CNTLN: variants seen among roughly 807,000 people sequenced by gnomAD.
CNTLN encodes the protein centlein, centrosomal protein.
A neutral mutation model predicts 180.0 loss-of-function variants in CNTLN; 212 were observed. That is an observed-to-expected ratio of 1.18 (90% CI 1.05 to 1.32). The LOEUF (loss-of-function observed/expected upper bound fraction) is 1.32. Ranked by LOEUF, CNTLN falls within the 40% of genes most tolerant of loss-of-function variation. CNTLN has a pLI of 0.00. For missense variants in CNTLN, 2,095 were observed against 1,610.9 expected, an observed-to-expected ratio of 1.30 and a Z score of -5.14; for synonymous variants, 722 against 563.1, an observed-to-expected ratio of 1.28 and a Z score of -3.99.
chr9:17,151,420 A>G (rs2779770), intron 2 of CNTLN, among the ~76,000 whole-genome samples: 6,504 of 152,148 alleles, frequency 0.043, 457 homozygotes, highest in African/African-American at 0.15. Context: ...GGTTTTTGTC[A>G]TTGGTTCTGT....
chr9:17,385,859 G>C (rs1021772749), intron 13 of CNTLN, among the ~76,000 whole-genome samples: 1 of 151,780 alleles, frequency 6.6e-6, no homozygotes, highest in African/African-American at 2.4e-5. Flanking sequence ...AGCATGGTTG[G>C]ATTTAGGTAT....
chr9:17,517,080 C>G, the CNTLN span, among the ~76,000 whole-genome samples: 2 of 152,066 alleles, frequency 1.3e-5, no homozygotes, highest in Non-Finnish European at 2.9e-5. Flanking sequence ...AGTCCTAGCT[C>G]TCCTGTATCT....
intron 13 of CNTLN, among the ~76,000 whole-genome samples, chr9:17,378,887 C>G (rs1824997047): frequency 6.6e-6 from 1 of 152,128 alleles, no homozygotes. Flanking sequence ...ATCCATATTT[C>G]CATCTGGTGT....
At chr9:17,202,750 C>G (rs1822637694) in intron 2 of CNTLN, among the ~76,000 whole-genome samples, 1 of 144,266 alleles carries the variant, frequency 6.9e-6, no homozygotes, top group Non-Finnish European at 1.5e-5. Flanking sequence ...TGTGATGGGT[C>G]TCCTGAGTGC....
intron 2 of CNTLN, among the ~76,000 whole-genome samples, chr9:17,162,403 C>T (rs7029226): frequency 0.019 from 2,887 of 152,246 alleles, 56 homozygotes; most frequent in African/African-American, 0.05. Context: ...CGTGAGCCAC[C>T]GCACCCAGCC....
At chr9:17,430,918 G>A (rs1003533151) in intron 18 of CNTLN, among the ~76,000 whole-genome samples, 1 of 152,048 alleles carries the variant, frequency 6.6e-6, no homozygotes, top group Non-Finnish European at 1.5e-5. Context: ...ATTCTATTGT[G>A]TATATATATC....
At chr9:17,495,303 A>G (rs1315850464) in intron 25 of CNTLN, among the ~76,000 whole-genome samples, 1 of 152,012 alleles carries the variant, frequency 6.6e-6, no homozygotes, top group Non-Finnish European at 1.5e-5. Flanking sequence ...AGGCATTGTT[A>G]ACATAGGAGG....
intron 12 of CNTLN, among the ~76,000 whole-genome samples, chr9:17,354,820 T>A (rs960378739): frequency 6.6e-6 from 1 of 152,078 alleles, no homozygotes; most frequent in South Asian, 2.1e-4. Context: ...TCTTTCGCTC[T>A]TTGCAATAAA....
chr9:17,440,895 C>T (rs1830069680), intron 18 of CNTLN, among the ~76,000 whole-genome samples: 1 of 152,100 alleles, frequency 6.6e-6, no homozygotes, highest in Non-Finnish European at 1.5e-5. Flanking sequence ...AGGCAAAATC[C>T]ATAGACAGAA....
intron 2 of CNTLN, among the ~76,000 whole-genome samples, chr9:17,175,195 T>C (rs182662689): frequency 9.2e-5 from 14 of 152,294 alleles, no homozygotes; most frequent in African/African-American, 3.4e-4. Context: ...TGGCGTCAAA[T>C]TGAGATTTTG....
At chr9:17,335,315 G>A (rs537261930) in intron 10 of CNTLN, among the ~76,000 whole-genome samples, 4 of 152,186 alleles carry the variant, frequency 2.6e-5, no homozygotes, top group African/African-American at 9.6e-5. Flanking sequence ...TCAAGAGATC[G>A]AGACCATCAT....
At chr9:17,258,368 T>C (rs1217235207) in intron 5 of CNTLN, among the ~76,000 whole-genome samples, 1 of 150,688 alleles carries the variant, frequency 6.6e-6, no homozygotes, top group Non-Finnish European at 1.5e-5. Context: ...CCATGCTGTT[T>C]TGGTTACTGT....
chr9:17,351,760 A>C (rs1822384821), intron 12 of CNTLN, among the ~76,000 whole-genome samples: 2 of 152,214 alleles, frequency 1.3e-5, no homozygotes, highest in African/African-American at 4.8e-5. Context: ...ACAGTGCTGC[A>C]GATTGACCTT....
At chr9:17,486,790 T>G (rs180700384) in intron 24 of CNTLN, among the ~76,000 whole-genome samples, 199 bp from the exon 25 acceptor site, 177 of 152,270 alleles carry the variant, frequency 1.2e-3, no homozygotes, top group African/African-American at 4.2e-3. Context: ...TATATAAATA[T>G]AGCTATATCT....
intron 2 of CNTLN, among the ~76,000 whole-genome samples, chr9:17,155,566 G>A (rs149137504): frequency 0.016 from 2,424 of 152,278 alleles, 37 homozygotes; most frequent in Middle Eastern, 0.031. Context: ...CACTGTGGCC[G>A]TGAAACTGCC....
intron 14 of CNTLN, among the ~76,000 whole-genome samples, chr9:17,388,837 T>A (rs992721891): frequency 1.3e-5 from 2 of 151,806 alleles, no homozygotes; most frequent in African/African-American, 4.8e-5. Flanking sequence ...AATACTGTTT[T>A]AAAATATTAA....
intron 1 of CNTLN, among the ~76,000 whole-genome samples, chr9:17,137,637 C>A (rs1169713439): frequency 2.0e-5 from 3 of 152,078 alleles, no homozygotes; most frequent in African/African-American, 4.8e-5. Flanking sequence ...ATTTCAGAAC[C>A]CAACAAGGCT....
intron 16 of CNTLN, among the ~76,000 whole-genome samples, chr9:17,411,833 G>T (rs1827866819): frequency 6.6e-6 from 1 of 151,922 alleles, no homozygotes; most frequent in Non-Finnish European, 1.5e-5. Context: ...CCACAAAACT[G>T]GTTTTTGGTG....
Position 17,308,640 on chromosome 9 carries a change from C to A in CNTLN, c.1147-418C>A, listed in dbSNP as rs146121046. 8.4e-4 allele frequency among the ~76,000 whole-genome samples: 127 copies of A among 151,870 alleles called. 1 individual carries two copies. Among genetic ancestry groups the A allele is most frequent in the African/African-American group, 2.2e-3 (93 of 41,454 alleles). ...TAATTTTTTTTCACATTTCTTCTATCTTTAGAATGACTTTTTGTTTTTGGT... is the reference window on the plus strand; with the variant it reads ...TAATTTTTTTTCACATTTCTTCTATATTTAGAATGACTTTTTGTTTTTGGT... On this transcript the variant is annotated intron_variant, in intron 7 of 25. Coordinates refer to ENST00000380647, the MANE Select transcript of CNTLN (RefSeq NM_017738.4).
Sources: allele counts gnomAD v4.1 joint callset (sites outside exome capture counted in the v4.1 genomes callset), GRCh38; gene constraint gnomAD v4.1.1; transcripts MANE v1.5; gene names NCBI Gene and HGNC (gene_info 2026-07-23, HGNC 2026-07-21).